Variants in PCSK6 observed in about 807,000 individuals in gnomAD.
PCSK6 encodes the protein paired basic amino acid cleaving enzyme 4.
In PCSK6, 85 loss-of-function variants were observed where a neutral mutation model predicts 123.3. That is an observed-to-expected ratio of 0.69 (90% CI 0.58 to 0.83). PCSK6 has a LOEUF of 0.83. Ranked by LOEUF, PCSK6 falls within the 40% of genes least tolerant of loss-of-function variation. The pLI is 0.00. For synonymous variants in PCSK6, 508 were observed against 516.0 expected (o/e 0.98, Z 0.21); for missense variants, 1,191 against 1,282.3 (o/e 0.93, Z 1.09).
chr15:101,395,720 T>C (rs975005485), intron 7 of PCSK6, among the ~76,000 whole-genome samples: 5 of 152,140 alleles, frequency 3.3e-5, no homozygotes, highest in African/African-American at 1.2e-4. Flanking sequence ...TTCAACCCAA[T>C]CAAATCGTAT....
chr15:101,322,017 T>C (rs1219536020), intron 18 of PCSK6, among the ~76,000 whole-genome samples: 1 of 152,234 alleles, frequency 6.6e-6, no homozygotes, highest in African/African-American at 2.4e-5. Context: ...CCCAGTAGAA[T>C]GATTTTAAAG....
In PCSK6 at chr15:101,369,994, C is replaced by A. The variant is rs117314625; in HGVS notation, c.1721+341G>T. ...AAGCCAACTGAATAGGATTAAATGA[C>A]CTTTAATGCACTTCTAAGCAAAGAA... is the stretch of plus-strand genomic sequence containing the variant. On this transcript the variant is annotated intron_variant, in intron 12 of 21. Coordinates refer to ENST00000611716, the MANE Select transcript of PCSK6 (RefSeq NM_002570.5). Among the ~76,000 whole-genome samples the A allele has an allele frequency of 5.1e-3, 771 of 152,314 alleles. 9 individuals are homozygous for A. Among genetic ancestry groups the A allele is most frequent in the South Asian group, 0.029 (141 of 4,826 alleles).
intron 4 of PCSK6, among the ~76,000 whole-genome samples, chr15:101,430,396 C>G (rs2056410544): frequency 6.6e-6 from 1 of 152,228 alleles, no homozygotes; most frequent in South Asian, 2.1e-4. Flanking sequence ...GCAACCCCCA[C>G]TCCACCTTTT....
intron 11 of PCSK6, among the ~76,000 whole-genome samples, chr15:101,375,211 C>G (rs1221610750): frequency 6.6e-6 from 1 of 152,216 alleles, no homozygotes; most frequent in African/African-American, 2.4e-5. Context: ...CCTCGGCCTC[C>G]CAAACTGTTG....
intron 1 of PCSK6, among the ~76,000 whole-genome samples, chr15:101,459,348 A>G (rs1247476739): frequency 2.0e-5 from 3 of 152,076 alleles, no homozygotes; most frequent in Non-Finnish European, 4.4e-5. Context: ...TGGTTGCACA[A>G]TAAATTCTGT....
At chr15:101,354,585 T>C (rs1214921367) in intron 13 of PCSK6, among the ~76,000 whole-genome samples, 1 of 152,288 alleles carries the variant, frequency 6.6e-6, no homozygotes, top group Non-Finnish European at 1.5e-5. Context: ...ACTTGTGCCA[T>C]GTAAATCTCT....
chr15:101,415,159 G>C (rs1385202522), intron 6 of PCSK6, among the ~76,000 whole-genome samples: 5 of 152,206 alleles, frequency 3.3e-5, no homozygotes, highest in Non-Finnish European at 5.9e-5. Flanking sequence ...AATCATCATG[G>C]AAACCAGCAT....
chr15:101,446,972 T>C (rs1326001894), intron 1 of PCSK6, among the ~76,000 whole-genome samples: 1 of 152,154 alleles, frequency 6.6e-6, no homozygotes, highest in South Asian at 2.1e-4. Context: ...GAGGTTTTCA[T>C]CACGGGCAAA....
At chr15:101,459,558 C>A (rs1468899987) in intron 1 of PCSK6, among the ~76,000 whole-genome samples, 1 of 148,454 alleles carries the variant, frequency 6.7e-6, no homozygotes, top group African/African-American at 2.5e-5. Flanking sequence ...TTCCCGTCCC[C>A]CCCACCATTC....
At chr15:101,388,356 T>C (rs1194312462) in intron 9 of PCSK6, among the ~76,000 whole-genome samples, 3 of 152,234 alleles carry the variant, frequency 2.0e-5, no homozygotes, top group Non-Finnish European at 4.4e-5. Context: ...ACCATTCTTT[T>C]TGAGTTATTT....
At chr15:101,479,123 C>T (rs181063117) in intron 1 of PCSK6, among the ~76,000 whole-genome samples, 2 of 152,304 alleles carry the variant, frequency 1.3e-5, no homozygotes, top group Admixed American at 6.5e-5. Context: ...GAGAGAGACA[C>T]CCCGCACGCC....
chr15:101,485,905 T>A (rs977339519), intron 1 of PCSK6, among the ~76,000 whole-genome samples: 1 of 152,112 alleles, frequency 6.6e-6, no homozygotes, highest in Non-Finnish European at 1.5e-5. Flanking sequence ...GGGGCAACTA[T>A]GAGAGCCAGC....
At chr15:101,359,524 A>G (rs1043375658) in intron 13 of PCSK6, among the ~76,000 whole-genome samples, 7 of 152,250 alleles carry the variant, frequency 4.6e-5, no homozygotes, top group African/African-American at 1.4e-4. Flanking sequence ...GGCACCTATC[A>G]TACACCATGC....
intron 11 of PCSK6, among the ~76,000 whole-genome samples, chr15:101,375,426 C>T (rs147975747): frequency 8.1e-4 from 124 of 152,290 alleles, no homozygotes; most frequent in African/African-American, 2.7e-3. Flanking sequence ...TTTTCCTGTA[C>T]GTTAAATGAG....
intron 11 of PCSK6, among the ~76,000 whole-genome samples, chr15:101,377,212 G>C (rs1486944751): frequency 1.1e-5 from 1 of 87,168 alleles, no homozygotes; most frequent in African/African-American, 3.2e-5. Flanking sequence ...TTAGGCACTG[G>C]CACCTGGCCA....
intron 2 of PCSK6, among the ~76,000 whole-genome samples, chr15:101,440,389 C>T (rs767920973): frequency 1.3e-5 from 2 of 152,222 alleles, no homozygotes; most frequent in Non-Finnish European, 2.9e-5. Flanking sequence ...AATAAGTGTG[C>T]GTGCACACAC....
At chr15:101,339,467 G>A (rs535456749) in intron 13 of PCSK6, among the ~76,000 whole-genome samples, 1 of 152,102 alleles carries the variant, frequency 6.6e-6, no homozygotes, top group African/African-American at 2.4e-5. Flanking sequence ...TGGGCGGAAG[G>A]AATAAAAAAG....
At chr15:101,426,007 T>G (rs1023607559) in intron 6 of PCSK6, among the ~76,000 whole-genome samples, 1 of 152,160 alleles carries the variant, frequency 6.6e-6, no homozygotes, top group Non-Finnish European at 1.5e-5. Context: ...CCTGACTCCG[T>G]AGGCCTGGGG....
rs2058107260 is a variant in PCSK6 at position 101,489,362 on chromosome 15, G to A, written c.297+12C>T. ...GGGAAAGTTTTGGGCGCGCGGGGCC[G>A]GCCGCACTCACCTGGCCCAAGTTGA... On this transcript the variant is annotated intron_variant, in intron 1 of 21. Coordinates refer to ENST00000611716, the MANE Select transcript of PCSK6 (RefSeq NM_002570.5). 7.7e-6 allele frequency: 9 copies of A among 1,171,422 alleles called. No individual in the cohort carries two copies. The highest frequency in any genetic ancestry group is 8.5e-6 in the Non-Finnish European group (8 of 945,902). The allele number at this position is 1,171,422 out of a possible 1,614,324, so 72.6% of individuals were successfully genotyped here. A position where few individuals can be genotyped will look rare whatever the true frequency, so the allele number is the denominator to read the frequency against.
Sources: gnomAD v4.1 joint callset for allele counts (sites outside exome capture counted in the v4.1 genomes callset) on GRCh38, gnomAD v4.1.1 for gene constraint, MANE v1.5 for transcripts, NCBI Gene and HGNC (gene_info 2026-07-23, HGNC 2026-07-21) for gene names.